The following FSTL5 variants were observed in gnomAD, a reference collection of about 807,000 sequenced individuals.
FSTL5 encodes follistatin like 5.
In FSTL5, 62 loss-of-function variants were observed where a neutral mutation model predicts 89.1. The ratio of observed to expected loss-of-function variants is 0.70; its 90% CI spans 0.57 to 0.86. FSTL5 has a LOEUF of 0.86. FSTL5 is among the 40% of genes least tolerant of loss of function. The probability of loss-of-function intolerance (pLI) is 0.00; values close to 1 mark genes in which losing one functional copy is unlikely to be tolerated. For missense variants in FSTL5, 1,057 were observed against 1,001.6 expected (o/e 1.06, Z -0.75); for synonymous variants, 383 against 346.2 (o/e 1.11, Z -1.18).
intron 6 of FSTL5, among the ~76,000 whole-genome samples, chr4:161,749,154 C>T (rs115047280): frequency 1.7e-3 from 252 of 152,156 alleles, no homozygotes; most frequent in Non-Finnish European, 2.9e-3. Context: ...TACCATTTGA[C>T]CCATCAACCC....
At chr4:161,498,720 C>A (rs1485051672) in intron 12 of FSTL5, among the ~76,000 whole-genome samples, 1 of 152,104 alleles carries the variant, frequency 6.6e-6, no homozygotes, top group Non-Finnish European at 1.5e-5. Flanking sequence ...ACCACACTAC[C>A]TATATCTGCA....
At chr4:161,561,963 C>A (rs930016146) in intron 8 of FSTL5, among the ~76,000 whole-genome samples, 15 of 151,984 alleles carry the variant, frequency 9.9e-5, no homozygotes, top group Non-Finnish European at 1.5e-4. Flanking sequence ...CACTTTCCCT[C>A]AGCTTTGCCA....
At chr4:161,476,347 C>A (rs1734150641) in intron 13 of FSTL5, among the ~76,000 whole-genome samples, 1 of 151,814 alleles carries the variant, frequency 6.6e-6, no homozygotes, top group African/African-American at 2.4e-5. Flanking sequence ...GCCACCACGC[C>A]TGGCTAATTT....
intron 4 of FSTL5, among the ~76,000 whole-genome samples, chr4:161,801,605 T>C (rs1181317526): frequency 1.3e-5 from 2 of 151,500 alleles, no homozygotes; most frequent in African/African-American, 4.8e-5. Flanking sequence ...CTAAACATAC[T>C]ATTAACACTC....
chr4:161,801,024 T>C (rs1209017567), intron 4 of FSTL5, among the ~76,000 whole-genome samples: 1 of 151,572 alleles, frequency 6.6e-6, no homozygotes, highest in Non-Finnish European at 1.5e-5. Flanking sequence ...CAAATGATAG[T>C]GAATATGTTT....
chr4:162,003,558 CAGAGAGGAAGGT>C (rs1450251330), intron 3 of FSTL5, among the ~76,000 whole-genome samples: 1 of 151,816 alleles, frequency 6.6e-6, no homozygotes, highest in Non-Finnish European at 1.5e-5. Flanking sequence ...GGCAGCCAGG[CAGAGAGGAAGGT>C]AGAGAGGAAA....
At chr4:161,603,256 C>G (rs28506479) in intron 7 of FSTL5, among the ~76,000 whole-genome samples, 1 of 151,960 alleles carries the variant, frequency 6.6e-6, no homozygotes, top group Non-Finnish European at 1.5e-5. Flanking sequence ...GAGACCCACA[C>G]AATTTGTTTT....
At chr4:161,571,437 C>T (rs1329172610) in intron 8 of FSTL5, among the ~76,000 whole-genome samples, 2 of 151,704 alleles carry the variant, frequency 1.3e-5, no homozygotes, top group African/African-American at 4.8e-5. Context: ...TTCTAGCAGA[C>T]GGCCCTCCCA....
intron 3 of FSTL5, among the ~76,000 whole-genome samples, chr4:161,942,498 G>A (rs1220023270): frequency 6.6e-6 from 1 of 151,962 alleles, no homozygotes; most frequent in Admixed American, 6.6e-5. Flanking sequence ...CATATAAAGA[G>A]ACTAAATCAG....
chr4:161,833,804 C>T (rs1730934010), intron 4 of FSTL5, among the ~76,000 whole-genome samples: 1 of 151,720 alleles, frequency 6.6e-6, no homozygotes, highest in Non-Finnish European at 1.5e-5. Context: ...TTCCTGAATA[C>T]AGCACACTGA....
intron 10 of FSTL5, among the ~76,000 whole-genome samples, chr4:161,523,323 G>A (rs1187040217): frequency 6.6e-6 from 1 of 152,118 alleles, no homozygotes; most frequent in Non-Finnish European, 1.5e-5. Flanking sequence ...CCAGTCTTAT[G>A]TATATATAGG....
chr4:161,890,250 G>A (rs964228410), intron 4 of FSTL5, among the ~76,000 whole-genome samples: 18 of 152,104 alleles, frequency 1.2e-4, no homozygotes, highest in South Asian at 2.1e-4. Context: ...ATGATTAAAC[G>A]TTGGGTTGAT....
intron 4 of FSTL5, among the ~76,000 whole-genome samples, chr4:161,844,316 T>C (rs1355681200): frequency 1.3e-5 from 2 of 152,154 alleles, no homozygotes; most frequent in Non-Finnish European, 2.9e-5. Flanking sequence ...GAAATAAGAA[T>C]GCTTTTACAT....
At chr4:161,949,379 T>C (rs915827679) in intron 3 of FSTL5, among the ~76,000 whole-genome samples, 1 of 152,176 alleles carries the variant, frequency 6.6e-6, no homozygotes, top group African/African-American at 2.4e-5. Context: ...AAGTCTACCA[T>C]ACGCTTTTAA....
intron 6 of FSTL5, among the ~76,000 whole-genome samples, chr4:161,690,212 A>G (rs902534051): frequency 6.6e-6 from 1 of 152,082 alleles, no homozygotes; most frequent in African/African-American, 2.4e-5. Flanking sequence ...TGGCTGCAAC[A>G]TTTTACTCTA....
intron 15 of FSTL5, among the ~76,000 whole-genome samples, chr4:161,426,228 C>A (rs13106623): frequency 1 from 152,089 of 152,306 alleles, 75,937 homozygotes; most frequent in East Asian, 1. Flanking sequence ...ACTGTTTGCT[C>A]GTTATTGCAC....
intron 15 of FSTL5, among the ~76,000 whole-genome samples, chr4:161,448,256 A>G (rs1041521927): frequency 5.9e-5 from 9 of 152,090 alleles, no homozygotes; most frequent in African/African-American, 1.9e-4. Context: ...TTTTTGAAAC[A>G]ATTTTAATTG....
intron 3 of FSTL5, among the ~76,000 whole-genome samples, chr4:161,967,099 C>T (rs2111000781): frequency 6.6e-6 from 1 of 150,972 alleles, no homozygotes; most frequent in African/African-American, 2.4e-5. Flanking sequence ...AAAACTGTTT[C>T]ATAAAAATAA....
intron 4 of FSTL5, among the ~76,000 whole-genome samples, chr4:161,809,601 A>G (rs1157029206): frequency 6.6e-6 from 1 of 152,244 alleles, no homozygotes; most frequent in Non-Finnish European, 1.5e-5. Flanking sequence ...AAGTGGGTCA[A>G]TGGATAAACA....
Sources: allele counts gnomAD v4.1 joint callset (sites outside exome capture counted in the v4.1 genomes callset), GRCh38; gene constraint gnomAD v4.1.1; transcripts MANE v1.5; gene names NCBI Gene and HGNC (gene_info 2026-07-23, HGNC 2026-07-21).